Variants in NCAM2 observed in about 807,000 individuals in gnomAD.
The protein encoded by NCAM2 is neural cell adhesion molecule 2.
A neutral mutation model predicts 98.1 loss-of-function variants in NCAM2; 30 were observed. That is an observed-to-expected ratio of 0.31 (90% CI 0.23 to 0.41). The LOEUF (loss-of-function observed/expected upper bound fraction) is 0.41. NCAM2 is among the 10% of genes least tolerant of loss of function. NCAM2 has a pLI of 1.00. For missense variants in NCAM2, 867 were observed against 1,005.8 expected (o/e 0.86, Z 1.87); for synonymous variants, 368 against 342.4 (o/e 1.07, Z -0.83).
intron 10 of NCAM2, among the ~76,000 whole-genome samples, chr21:21,416,544 A>G (rs1050545904): frequency 6.6e-6 from 1 of 151,932 alleles, no homozygotes; most frequent in Non-Finnish European, 1.5e-5. Context: ...CAAGCATGGC[A>G]AAGTAAGACA....
At chr21:21,372,199 A>G (rs1031788518) in intron 8 of NCAM2, among the ~76,000 whole-genome samples, 4 of 151,964 alleles carry the variant, frequency 2.6e-5, no homozygotes, top group African/African-American at 4.8e-5. Flanking sequence ...AGAAGTGGTT[A>G]TCACATGGAT....
chr21:21,020,959 C>G (rs2064422099), intron 1 of NCAM2, among the ~76,000 whole-genome samples: 1 of 151,986 alleles, frequency 6.6e-6, no homozygotes, highest in Admixed American at 6.6e-5. Flanking sequence ...TCAAATCTTT[C>G]TGTGGTGGTT....
At chr21:21,029,857 C>A (rs1418480688) in intron 1 of NCAM2, among the ~76,000 whole-genome samples, 1 of 152,032 alleles carries the variant, frequency 6.6e-6, no homozygotes, top group Non-Finnish European at 1.5e-5. Flanking sequence ...GTCTCAATCT[C>A]CTGACCTCGT....
At chr21:21,435,792 G>A (rs73324870) in intron 12 of NCAM2, among the ~76,000 whole-genome samples, 3 of 151,968 alleles carry the variant, frequency 2.0e-5, no homozygotes, top group African/African-American at 7.3e-5. Flanking sequence ...ATTTATTGCT[G>A]CATTTACACT....
At chr21:21,033,148 A>T (rs1328498152) in intron 1 of NCAM2, among the ~76,000 whole-genome samples, 2 of 152,008 alleles carry the variant, frequency 1.3e-5, no homozygotes, top group Non-Finnish European at 2.9e-5. Flanking sequence ...ACGGGGTTTC[A>T]CCAGGTGCCA....
At chr21:21,368,540 G>T (rs1238383309) in intron 8 of NCAM2, among the ~76,000 whole-genome samples, 1 of 151,874 alleles carries the variant, frequency 6.6e-6, no homozygotes, top group African/African-American at 2.4e-5. Context: ...AGACTGGGAA[G>T]TCCAAAATCA....
At chr21:21,409,960 C>A (rs1010117412) in intron 9 of NCAM2, among the ~76,000 whole-genome samples, 1 of 151,852 alleles carries the variant, frequency 6.6e-6, no homozygotes, top group Non-Finnish European at 1.5e-5. Context: ...AGTGAAACCC[C>A]GTCTCTACTA....
At chr21:21,221,619 G>A (rs932416144) in intron 1 of NCAM2, among the ~76,000 whole-genome samples, 12 of 152,178 alleles carry the variant, frequency 7.9e-5, no homozygotes, top group African/African-American at 2.7e-4. Flanking sequence ...CAATACCCTA[G>A]TATTATTCAA....
In NCAM2 at chr21:21,335,539, A is replaced by T. The variant is rs780643681; in HGVS notation, c.772A>T (p.Ile258Leu). 2.5e-6 allele frequency: 4 copies of T among 1,606,406 alleles called. No individual in the cohort carries two copies. The highest frequency in any genetic ancestry group is 1.7e-5 in the Admixed American group (1 of 58,938). ...GKLIEENEKY[I>L]LKGSNTELTV... is the part of the protein sequence containing the mutation. ...GCTCATTGAAGAAAATGAGAAGTAC[A>T]TATTGAAAGGGAGCAATACAGAACT... is the stretch of plus-strand genomic sequence containing the variant. The change falls in exon 7 of 18, where the codon ATA becomes TTA. Residue 258 changes from isoleucine to leucine, a missense_variant. Ile to Leu is a conservative substitution (Grantham distance 5). This residue lies in a region of NCAM2 where 447 missense variants were observed against 495.7 expected (regional missense o/e 0.90). Transcript: ENST00000400546.
intron 1 of NCAM2, chr21:21,223,711 A>T (rs1266785165): frequency 6.6e-6 from 1 of 152,120 alleles, no homozygotes; most frequent in Non-Finnish European, 1.5e-5. Flanking sequence ...TTGCTCTGAA[A>T]GTTCTTTTCC....
intron 1 of NCAM2, among the ~76,000 whole-genome samples, chr21:21,190,187 C>T (rs887309223): frequency 6.6e-6 from 1 of 152,120 alleles, no homozygotes; most frequent in African/African-American, 2.4e-5. Flanking sequence ...GGGGAGAAAC[C>T]ACTGGATCCC....
chr21:21,441,016 A>G (rs9978410), intron 12 of NCAM2, among the ~76,000 whole-genome samples: 145 of 152,332 alleles, frequency 9.5e-4, no homozygotes, highest in African/African-American at 3.3e-3. Context: ...GAAATTCTTC[A>G]TAACCCTGTA....
At chr21:21,151,084 T>C (rs1045634336) in intron 1 of NCAM2, among the ~76,000 whole-genome samples, 1 of 151,984 alleles carries the variant, frequency 6.6e-6, no homozygotes, top group Non-Finnish European at 1.5e-5. Flanking sequence ...TTTATATTTT[T>C]ATTTTCCAGT....
intron 5 of NCAM2, among the ~76,000 whole-genome samples, chr21:21,322,394 C>G (rs2074399053): frequency 6.6e-6 from 1 of 152,038 alleles, no homozygotes; most frequent in Admixed American, 6.6e-5. Flanking sequence ...TACCCCAAAC[C>G]TCAGAATCAT....
At chr21:21,137,140 C>T (rs1185761757) in intron 1 of NCAM2, among the ~76,000 whole-genome samples, 1 of 152,020 alleles carries the variant, frequency 6.6e-6, no homozygotes, top group East Asian at 1.9e-4. Flanking sequence ...CCACTGCGCC[C>T]AGCCACAATT....
intron 1 of NCAM2, among the ~76,000 whole-genome samples, chr21:21,222,145 G>T (rs551582008): frequency 1.3e-5 from 2 of 152,014 alleles, no homozygotes; most frequent in African/African-American, 2.4e-5. Flanking sequence ...GACCTACTAC[G>T]CAAGAAAAAA....
intron 1 of NCAM2, among the ~76,000 whole-genome samples, chr21:21,134,724 T>C (rs967345183): frequency 1.0e-4 from 13 of 129,356 alleles, no homozygotes; most frequent in Non-Finnish European, 1.6e-4. Context: ...TTTTTTTTTT[T>C]TCCTGAGTTA....
chr21:21,526,362 C>T (rs929385733), intron 16 of NCAM2, among the ~76,000 whole-genome samples: 4 of 151,742 alleles, frequency 2.6e-5, no homozygotes, highest in East Asian at 3.9e-4. Flanking sequence ...GAAGTTGAAA[C>T]AAAATTATTA....
intron 1 of NCAM2, among the ~76,000 whole-genome samples, chr21:21,086,533 T>C (rs1013459877): frequency 5.3e-5 from 8 of 152,186 alleles, no homozygotes; most frequent in Non-Finnish European, 1.0e-4. Flanking sequence ...TCTGACACCA[T>C]TTTATTTGTG....
Sources: gnomAD v4.1 joint callset for allele counts (sites outside exome capture counted in the v4.1 genomes callset) on GRCh38, gnomAD v4.1.1 for gene constraint, gnomAD v4.1.1 regional missense constraint, MANE v1.5 for transcripts, NCBI Gene and HGNC (gene_info 2026-07-23, HGNC 2026-07-21) for gene names.